ARAP2: variants seen among roughly 807,000 people sequenced by gnomAD.
ARAP2 encodes arf-GAP with Rho-GAP domain, ANK repeat and PH domain-containing protein 2.
In ARAP2, 148 loss-of-function variants were observed where a neutral mutation model predicts 194.5. The ratio of observed to expected loss-of-function variants is 0.76; its 90% CI spans 0.67 to 0.87. The LOEUF (loss-of-function observed/expected upper bound fraction) is 0.87. Ranked by LOEUF, ARAP2 falls within the 40% of genes least tolerant of loss-of-function variation. The pLI is 0.00. For synonymous variants in ARAP2, 695 were observed against 683.5 expected, an observed-to-expected ratio of 1.02 and a Z score of -0.26; for missense variants, 2,128 against 1,989.7, an observed-to-expected ratio of 1.07 and a Z score of -1.32.
intron 14 of ARAP2, 118 bp downstream of exon 14, chr4:36,159,213 A>T (rs1733336709): frequency 9.0e-7 from 1 of 1,116,876 alleles, no homozygotes; most frequent in Non-Finnish European, 1.2e-6. Flanking sequence ...TCTTTTTGGT[A>T]ATTACATTTT....
At chr4:36,170,045 T>C (rs1014945689) in intron 9 of ARAP2, among the ~76,000 whole-genome samples, 6 of 152,218 alleles carry the variant, frequency 3.9e-5, no homozygotes, top group Non-Finnish European at 7.3e-5. Flanking sequence ...ATTTAGAACA[T>C]GTTTAGAATA....
intron 5 of ARAP2, among the ~76,000 whole-genome samples, chr4:36,026,761 G>C (rs1366344518): frequency 3.3e-5 from 5 of 152,200 alleles, no homozygotes; most frequent in Non-Finnish European, 7.3e-5. Flanking sequence ...CCTCCATCAG[G>C]GTGCCTCTCG....
intron 31 of ARAP2, among the ~76,000 whole-genome samples, chr4:36,075,019 T>G (rs927091513): frequency 6.6e-6 from 1 of 152,128 alleles, no homozygotes; most frequent in Admixed American, 6.6e-5. Flanking sequence ...TAATGGTAGG[T>G]TATACAGTAT....
In ARAP2 at chr4:36,176,579, C is replaced by T. The variant is rs148553260; in HGVS notation, c.1857+1248G>A. Among the ~76,000 whole-genome samples the T allele has an allele frequency of 5.8e-3, 888 of 152,184 alleles. 8 individuals carry two copies. The highest frequency in any genetic ancestry group is 0.02 in the African/African-American group (842 of 41,546). ...TGGCAGAGTAACTTCCATACAGATA[C>T]ATGCAAATTATGTATTTTTAACCTC... On this transcript the variant is annotated intron_variant, in intron 9 of 32. Transcript: ENST00000303965.
chr4:36,043,124 T>C (rs1721158318), intron 5 of ARAP2, among the ~76,000 whole-genome samples: 1 of 152,206 alleles, frequency 6.6e-6, no homozygotes, highest in East Asian at 1.9e-4. Context: ...ATTACAGGTG[T>C]GAGCCACCCC....
At chr4:36,239,063 G>A (rs990193834) in intron 1 of ARAP2, among the ~76,000 whole-genome samples, 3 of 152,060 alleles carry the variant, frequency 2.0e-5, no homozygotes, top group Non-Finnish European at 4.4e-5. Context: ...ATCACCTGAG[G>A]TCAGGAGTTT....
chr4:36,178,317 T>G (rs1738440208), intron 8 of ARAP2, among the ~76,000 whole-genome samples: 1 of 152,196 alleles, frequency 6.6e-6, no homozygotes, highest in African/African-American at 2.4e-5. Context: ...AGATGCTCTG[T>G]ATCCCTGTTA....
chr4:36,153,382 T>G (rs1002444646), intron 15 of ARAP2, among the ~76,000 whole-genome samples: 2 of 152,166 alleles, frequency 1.3e-5, no homozygotes, highest in Non-Finnish European at 2.9e-5. Flanking sequence ...AATCTGACTT[T>G]GAGAAATGTC....
At chr4:36,145,657 A>G (rs2109692387) in intron 19 of ARAP2, among the ~76,000 whole-genome samples, 1 of 152,058 alleles carries the variant, frequency 6.6e-6, no homozygotes, top group African/African-American at 2.4e-5. Flanking sequence ...ACCTGCACAT[A>G]TGTAGATATG....
chr4:36,053,561 A>G (rs1723039875), intron 2 of ARAP2, among the ~76,000 whole-genome samples: 1 of 152,232 alleles, frequency 6.6e-6, no homozygotes, highest in Admixed American at 6.5e-5. Flanking sequence ...GCTACTAAGT[A>G]TAAAGGAATT....
chr4:36,018,021 T>C (rs1427020974), intron 6 of ARAP2, among the ~76,000 whole-genome samples: 1 of 152,186 alleles, frequency 6.6e-6, no homozygotes, highest in Non-Finnish European at 1.5e-5. Flanking sequence ...GTTGAATGTA[T>C]TTACTGTACT....
chr4:36,064,381 G>C (rs971083834), downstream of ARAP2, among the ~76,000 whole-genome samples: 2 of 152,228 alleles, frequency 1.3e-5, no homozygotes, highest in South Asian at 2.1e-4. Flanking sequence ...TTCTGGGCTG[G>C]GGGAGGGGAG....
intron 5 of ARAP2, among the ~76,000 whole-genome samples, chr4:36,031,022 C>A (rs113227569): frequency 6.6e-6 from 1 of 151,954 alleles, no homozygotes; most frequent in Non-Finnish European, 1.5e-5. Flanking sequence ...CCCAGCTACT[C>A]GGGAGGCTGA....
intron 22 of ARAP2, among the ~76,000 whole-genome samples, chr4:36,122,319 T>C (rs2109548732): frequency 6.6e-6 from 1 of 151,884 alleles, no homozygotes; most frequent in East Asian, 1.9e-4. Context: ...CAGACACACA[T>C]ATATTCACTG....
At chr4:36,113,813 AAT>A (rs1720637649) in intron 26 of ARAP2, among the ~76,000 whole-genome samples, 1 of 151,984 alleles carries the variant, frequency 6.6e-6, no homozygotes, top group East Asian at 1.9e-4. Context: ...TATTTTATAT[AAT>A]AAACAATATT....
intron 31 of ARAP2, among the ~76,000 whole-genome samples, chr4:36,079,173 CAAAAAA>C (rs34229260): frequency 2.6e-5 from 2 of 77,614 alleles, no homozygotes; most frequent in African/African-American, 5.4e-5. Flanking sequence ...GACTCTGTCT[CAAAAAA>C]AAAAAAAAAA....
At chr4:36,167,594 CA>C (rs1261804322) in intron 9 of ARAP2, among the ~76,000 whole-genome samples, 1 of 152,154 alleles carries the variant, frequency 6.6e-6, no homozygotes, top group Non-Finnish European at 1.5e-5. Context: ...TTTTTCCCCT[CA>C]TTTACTCTCC....
chr4:36,112,312 A>G lies in ARAP2; in HGVS notation c.4156+1858T>C, dbSNP rs73806461. 5.4e-3 allele frequency among the ~76,000 whole-genome samples: 816 copies of G among 152,118 alleles called. 11 individuals are homozygous for G. Among genetic ancestry groups the G allele is most frequent in the African/African-American group, 0.019 (769 of 41,552 alleles). ...CCAGGTATATACACATTGCTATTCTATAAGTCATACAGTATACAGTATTAT... is the reference window on the plus strand; with the variant it reads ...CCAGGTATATACACATTGCTATTCTGTAAGTCATACAGTATACAGTATTAT... On this transcript the variant is annotated intron_variant, in intron 26 of 32. Transcript: ENST00000303965.
chr4:36,017,253 T>C (rs141229200), intron 6 of ARAP2, among the ~76,000 whole-genome samples: 1,692 of 152,008 alleles, frequency 0.011, 41 homozygotes, highest in African/African-American at 0.039. Flanking sequence ...TGAGATAGAC[T>C]CATTCACTTA....
Sources: gnomAD v4.1 joint callset for allele counts (sites outside exome capture counted in the v4.1 genomes callset) on GRCh38, gnomAD v4.1.1 for gene constraint, MANE v1.5 for transcripts, NCBI Gene and HGNC (gene_info 2026-07-23, HGNC 2026-07-21) for gene names.